BIN2: variants seen among roughly 807,000 people sequenced by gnomAD.
BIN2 encodes breast cancer associated protein BRAP1.
A neutral mutation model predicts 67.9 loss-of-function variants in BIN2; 43 were observed. That is an observed-to-expected ratio of 0.63 (90% CI 0.50 to 0.82). The LOEUF (loss-of-function observed/expected upper bound fraction) is 0.82, where lower values mean the gene tolerates loss of function less well. Ranked by LOEUF, BIN2 falls within the 40% of genes least tolerant of loss-of-function variation. The pLI is 0.00. For missense variants in BIN2, 581 were observed against 671.6 expected, an observed-to-expected ratio of 0.87 and a Z score of 1.49; for synonymous variants, 244 against 246.8, an observed-to-expected ratio of 0.99 and a Z score of 0.11.
chr12:51,283,840 C>A (rs1031456803), intron 12 of BIN2, among the ~76,000 whole-genome samples: 2 of 151,674 alleles, frequency 1.3e-5, no homozygotes. Context: ...ACTAAAAGTA[C>A]AAAATTAGCT....
chr12:51,312,051 C>T (rs148680678), intron 2 of BIN2, among the ~76,000 whole-genome samples: 2,093 of 152,190 alleles, frequency 0.014, 36 homozygotes, highest in African/African-American at 0.047. Context: ...GGATTATAGG[C>T]GTGAGCCACT....
At chr12:51,289,191 G>A (rs1438011732) in intron 10 of BIN2, among the ~76,000 whole-genome samples, 2 of 146,672 alleles carry the variant, frequency 1.4e-5, no homozygotes, top group Non-Finnish European at 3.0e-5. Context: ...ATTGTTGAAA[G>A]TTCCTCTTGT....
intron 9 of BIN2, among the ~76,000 whole-genome samples, chr12:51,293,574 A>G (rs1406113404): frequency 1.3e-5 from 2 of 152,204 alleles, no homozygotes; most frequent in East Asian, 3.8e-4. Flanking sequence ...GGCCTCCCAA[A>G]GTGCTGGGAT....
intron 1 of BIN2, among the ~76,000 whole-genome samples, chr12:51,319,272 G>C (rs554302200): frequency 2.2e-4 from 34 of 152,320 alleles, no homozygotes; most frequent in Admixed American, 1.2e-3. Context: ...GGGGTCGGGG[G>C]TTGGGGGGTA....
intron 6 of BIN2, 77 bp downstream of exon 6, chr12:51,299,530 C>G (rs1945661543): frequency 7.2e-7 from 1 of 1,396,948 alleles, no homozygotes. Flanking sequence ...CCCATGTTGG[C>G]CCAGCCACCT....
intron 12 of BIN2, among the ~76,000 whole-genome samples, chr12:51,283,942 G>A (rs957744023): frequency 4.9e-5 from 7 of 144,316 alleles, no homozygotes; most frequent in East Asian, 2.0e-4. Flanking sequence ...GCGGTGAGCC[G>A]AGATCATGCC....
intron 1 of BIN2, among the ~76,000 whole-genome samples, chr12:51,322,165 A>G (rs1946299232): frequency 6.6e-6 from 1 of 152,212 alleles, no homozygotes; most frequent in Non-Finnish European, 1.5e-5. Context: ...CTAATGTGAC[A>G]GCTTTTCAAT....
chr12:51,295,008 C>T (rs906441663), intron 9 of BIN2, among the ~76,000 whole-genome samples: 1 of 152,168 alleles, frequency 6.6e-6, no homozygotes, highest in Non-Finnish European at 1.5e-5. Context: ...TCATAGCTCA[C>T]TGCACCCTCA....
chr12:51,282,194 C>T (rs898156022), intron 12 of BIN2, among the ~76,000 whole-genome samples: 2 of 152,146 alleles, frequency 1.3e-5, no homozygotes, highest in South Asian at 4.1e-4. Context: ...TTTTACATCA[C>T]TATCCTGTCT....
chr12:51,312,151 A>G (rs532112899), intron 2 of BIN2, among the ~76,000 whole-genome samples: 1 of 152,240 alleles, frequency 6.6e-6, no homozygotes, highest in Admixed American at 6.5e-5. Context: ...AATCTCTGAT[A>G]ATAGAGCCAG....
intron 1 of BIN2, among the ~76,000 whole-genome samples, chr12:51,321,370 G>A (rs144489727): frequency 6.6e-6 from 1 of 151,680 alleles, no homozygotes; most frequent in East Asian, 1.9e-4. Flanking sequence ...TCGGTAGAAT[G>A]TTGGCTCCAT....
At position 51,295,442 on chromosome 12, in the gene BIN2, A is replaced by G. The variant is rs1440963554; in HGVS notation, c.761+354T>C. Among the ~76,000 whole-genome samples the G allele has an allele frequency of 4.7e-5, 7 of 148,564 alleles. No individual in the cohort carries two copies. The East Asian group carries it at 1.4e-3, about 29-fold the overall frequency. On this transcript the variant is annotated intron_variant, in intron 9 of 12. Transcript: ENST00000615107. ...GCCGGGCGTGATGGCGGGCGCCTGTAGTCCCAGCTACTCAGGAGGCTGAGG... is the reference window on the plus strand; with the variant it reads ...GCCGGGCGTGATGGCGGGCGCCTGTGGTCCCAGCTACTCAGGAGGCTGAGG...
Position 51,292,058 on chromosome 12 carries a change from G to A in BIN2, c.1048C>T (p.Pro350Ser), listed in dbSNP as rs369691754. The change falls in exon 10 of 13, where the codon CCT (proline) becomes TCT (serine). Residue 350 changes from proline to serine, a missense_variant. Physicochemically the swap from Pro to Ser is moderately conservative, Grantham distance 74. Transcript: ENST00000615107. The stretch of plus-strand genomic sequence containing the variant: ...TGGGACTTGGCCCTTTCAGTGGTAG[G>A]AGAGGGCTGGGCCTGGGCGGGGCCA... ...CNGPAQAQPS[P>S]TTERAKSQEE... The A allele has an allele frequency of 2.5e-6, 4 of 1,614,168 alleles. No individual in the cohort carries two copies. The highest frequency in any genetic ancestry group is 1.6e-4 in the Middle Eastern group (1 of 6,062).
At chr12:51,287,984 C>T (rs1479513185) in intron 11 of BIN2, 124 bp downstream of exon 11, 3 of 687,518 alleles carry the variant, frequency 4.4e-6, no homozygotes, top group Non-Finnish European at 7.3e-6. Context: ...TGTTAGGGCC[C>T]TCAGTGCTTC....
intron 2 of BIN2, among the ~76,000 whole-genome samples, chr12:51,305,295 C>T (rs1945840174): frequency 6.6e-6 from 1 of 151,018 alleles, no homozygotes; most frequent in Non-Finnish European, 1.5e-5. Context: ...GAGAGCAAAA[C>T]TCCATCTCAA....
intron 12 of BIN2, among the ~76,000 whole-genome samples, chr12:51,284,332 C>A (rs1277778948): frequency 6.6e-6 from 1 of 152,110 alleles, no homozygotes; most frequent in African/African-American, 2.4e-5. Context: ...TACCATACAG[C>A]CACACATAAT....
rs969445320 is a variant in BIN2, at chr12:51,299,693, G to A, written c.430C>T (p.Arg144Trp). ...EIKERIAKRG[R>W]KLVDYDSARH... Reference sequence around the variant, plus strand: ...GCACTGTCATAGTCCACGAGTTTCCGACCCCGCTTGGCAATTCTCTCCTGA... The same window carrying A: ...GCACTGTCATAGTCCACGAGTTTCCAACCCCGCTTGGCAATTCTCTCCTGA... The change falls in exon 6 of 13, where the codon CGG becomes TGG. Residue 144 changes from arginine to tryptophan, a missense_variant. Arg to Trp is a moderately radical substitution (Grantham distance 101). Transcript: ENST00000615107. 5 of 1,613,864 alleles carry A rather than the reference G, an allele frequency of 3.1e-6. No homozygotes were observed. Among genetic ancestry groups the A allele is most frequent in the East Asian group, 2.2e-5 (1 of 44,886 alleles).
At chr12:51,297,378 C>T (rs550509375) in intron 7 of BIN2, 2 of 384,618 alleles carry the variant, frequency 5.2e-6, no homozygotes, top group East Asian at 4.8e-5. Context: ...ACCATCCTGG[C>T]TAACATGGTA....
intron 1 of BIN2, chr12:51,322,605 G>C (rs200350278): frequency 9.7e-6 from 1 of 103,034 alleles, no homozygotes; most frequent in Admixed American, 1.0e-4. Flanking sequence ...TTGTCTTTTA[G>C]GGTTTTTTTT....
Sources: gnomAD v4.1 joint callset for allele counts (sites outside exome capture counted in the v4.1 genomes callset) on GRCh38, gnomAD v4.1.1 for gene constraint, MANE v1.5 for transcripts, NCBI Gene and HGNC (gene_info 2026-07-23, HGNC 2026-07-21) for gene names.